GRIN2A: variants seen among roughly 807,000 people sequenced by gnomAD.
GRIN2A encodes glutamate receptor ionotropic, NMDA 2A.
GRIN2A carries 22 observed loss-of-function variants against 113.4 expected under a neutral mutation model. That is an observed-to-expected ratio of 0.19 (90% CI 0.14 to 0.28). The LOEUF (loss-of-function observed/expected upper bound fraction) is 0.28. Ranked by LOEUF, GRIN2A falls within the 10% of genes least tolerant of loss-of-function variation. The pLI, the probability that GRIN2A is intolerant of heterozygous loss-of-function variation, is 1.00. For synonymous variants in GRIN2A, 827 were observed against 738.4 expected, an observed-to-expected ratio of 1.12 and a Z score of -1.94; for missense variants, 1,502 against 1,887.0, an observed-to-expected ratio of 0.80 and a Z score of 3.78.
At chr16:9,941,911 C>G (rs2044888519) in intron 2 of GRIN2A, among the ~76,000 whole-genome samples, 1 of 152,120 alleles carries the variant, frequency 6.6e-6, no homozygotes, top group Non-Finnish European at 1.5e-5. Flanking sequence ...GGTGATTTTT[C>G]CAGGTTCGTA....
intron 2 of GRIN2A, among the ~76,000 whole-genome samples, chr16:10,022,839 A>T (rs1337406283): frequency 6.6e-6 from 1 of 152,212 alleles, no homozygotes; most frequent in Non-Finnish European, 1.5e-5. Context: ...TGGGAGAAAA[A>T]TGCCAACAAT....
At chr16:10,132,137 G>C (rs35666563) in intron 2 of GRIN2A, among the ~76,000 whole-genome samples, 13,727 of 151,972 alleles carry the variant, frequency 0.09, 647 homozygotes, top group Middle Eastern at 0.12. Flanking sequence ...TTCAAGGCCA[G>C]CCTGGCCAAC....
chr16:9,854,701 G>C (rs1191778424), intron 4 of GRIN2A, among the ~76,000 whole-genome samples: 1 of 152,076 alleles, frequency 6.6e-6, no homozygotes, highest in Non-Finnish European at 1.5e-5. Context: ...ACACTCAGCT[G>C]AGTCTGTAAC....
chr16:10,083,594 CA>C (rs1297447020), intron 2 of GRIN2A, among the ~76,000 whole-genome samples: 1 of 152,178 alleles, frequency 6.6e-6, no homozygotes, highest in Non-Finnish European at 1.5e-5. Flanking sequence ...CTGAACTTAC[CA>C]AACACGCTCA....
chr16:9,957,671 T>C (rs2045338212), intron 2 of GRIN2A, among the ~76,000 whole-genome samples: 1 of 152,134 alleles, frequency 6.6e-6, no homozygotes, highest in African/African-American at 2.4e-5. Flanking sequence ...AGGGCCAGAA[T>C]TACCAACCAC....
chr16:9,982,612 A>G (rs190499448), intron 2 of GRIN2A, among the ~76,000 whole-genome samples: 93 of 152,350 alleles, frequency 6.1e-4, no homozygotes, highest in African/African-American at 1.7e-3. Flanking sequence ...CCAATTAGTT[A>G]TCTTTTAAAA....
At chr16:9,907,748 T>A (rs1172579939) in intron 3 of GRIN2A, among the ~76,000 whole-genome samples, 3 of 151,972 alleles carry the variant, frequency 2.0e-5, no homozygotes, top group Non-Finnish European at 4.4e-5. Flanking sequence ...GAGCAGAGAG[T>A]CCACCTTTTC....
intron 2 of GRIN2A, among the ~76,000 whole-genome samples, chr16:10,104,564 G>C (rs1344651442): frequency 6.6e-6 from 1 of 152,150 alleles, no homozygotes; most frequent in African/African-American, 2.4e-5. Flanking sequence ...AAGCTTGCAC[G>C]AGCACAATTT....
chr16:9,952,728 G>A (rs564765723), intron 2 of GRIN2A, among the ~76,000 whole-genome samples: 21 of 152,246 alleles, frequency 1.4e-4, no homozygotes, highest in South Asian at 4.1e-4. Flanking sequence ...CCAAGTACAC[G>A]TGACAGAGCC....
At chr16:10,122,386 C>T (rs28550823) in intron 2 of GRIN2A, among the ~76,000 whole-genome samples, 7 of 151,916 alleles carry the variant, frequency 4.6e-5, no homozygotes, top group Admixed American at 1.3e-4. Context: ...GCTACAAAAG[C>T]GGGGAGGTAG....
chr16:10,101,812 T>C (rs28437288), intron 2 of GRIN2A, among the ~76,000 whole-genome samples: 49,550 of 152,044 alleles, frequency 0.33, 8,441 homozygotes, highest in East Asian at 0.45. Flanking sequence ...GCTGGAGAGA[T>C]AGCCCCACTC....
rs1328100612 is a variant in GRIN2A at position 10,174,160 on chromosome 16, T to C, written c.414+5838A>G. Among the ~76,000 whole-genome samples, 7 of 152,144 alleles carry C rather than the reference T, an allele frequency of 4.6e-5. No homozygotes were observed. In the East Asian group the frequency reaches 1.3e-3, roughly 29 times the overall value. Reference sequence around the variant, plus strand: ...CCATCCAGGGAAAAAGGGGAAGAACTGGACCTAGAATCAGGCTGCTAGCTG... The same window carrying C: ...CCATCCAGGGAAAAAGGGGAAGAACCGGACCTAGAATCAGGCTGCTAGCTG... On this transcript the variant is annotated intron_variant, in intron 2 of 12. Coordinates refer to ENST00000330684, the MANE Select transcript of GRIN2A (RefSeq NM_001134407.3).
intron 2 of GRIN2A, among the ~76,000 whole-genome samples, chr16:10,109,133 T>TA (rs1000873077): frequency 4.6e-5 from 7 of 151,696 alleles, no homozygotes; most frequent in Admixed American, 3.3e-4. Flanking sequence ...TTAAAAGGAT[T>TA]AAAAAACCCT....
chr16:9,799,369 G>A (rs887217946), intron 10 of GRIN2A, among the ~76,000 whole-genome samples: 3 of 152,236 alleles, frequency 2.0e-5, no homozygotes, highest in Non-Finnish European at 1.5e-5. Flanking sequence ...ACTACCAGAA[G>A]TCAGGAGAGA....
intron 4 of GRIN2A, among the ~76,000 whole-genome samples, chr16:9,882,295 A>G (rs2043496530): frequency 6.6e-6 from 1 of 152,152 alleles, no homozygotes; most frequent in African/African-American, 2.4e-5. Flanking sequence ...GCCTCACTAG[A>G]CCTGATAGCA....
At chr16:9,821,563 ACTGT>A (rs780470742) in intron 10 of GRIN2A, among the ~76,000 whole-genome samples, 13 of 152,214 alleles carry the variant, frequency 8.5e-5, no homozygotes, top group Non-Finnish European at 1.6e-4. Flanking sequence ...ACATTTAGGT[ACTGT>A]CTATTTCCCA....
At chr16:9,925,983 C>T (rs2044455676) in intron 3 of GRIN2A, among the ~76,000 whole-genome samples, 2 of 152,190 alleles carry the variant, frequency 1.3e-5, no homozygotes, top group South Asian at 4.1e-4. Flanking sequence ...ATTTCTTAAG[C>T]AAGTAATACG....
chr16:9,856,055 C>CACTGA (rs1288528651), intron 4 of GRIN2A, among the ~76,000 whole-genome samples: 2 of 152,146 alleles, frequency 1.3e-5, no homozygotes, highest in Admixed American at 1.3e-4. Context: ...TAGGGCTTTA[C>CACTGA]TATGTGTTTC....
At chr16:10,048,911 C>T (rs1231114169) in intron 2 of GRIN2A, among the ~76,000 whole-genome samples, 1 of 152,204 alleles carries the variant, frequency 6.6e-6, no homozygotes, top group African/African-American at 2.4e-5. Flanking sequence ...TACAAGCCTC[C>T]TTCCTGCTGA....
Sources: allele counts gnomAD v4.1 joint callset (sites outside exome capture counted in the v4.1 genomes callset), GRCh38; gene constraint gnomAD v4.1.1; transcripts MANE v1.5; gene names NCBI Gene and HGNC (gene_info 2026-07-23, HGNC 2026-07-21).